Variants in MAPKAP1 observed in about 807,000 individuals in gnomAD.
MAPKAP1 encodes the protein MAPK associated protein 1, also known as target of rapamycin complex 2 subunit MAPKAP1.
A neutral mutation model predicts 65.7 loss-of-function variants in MAPKAP1; 20 were observed. That is an observed-to-expected ratio of 0.30 (90% confidence interval 0.21 to 0.44). The LOEUF (loss-of-function observed/expected upper bound fraction) is 0.44. MAPKAP1 is among the 20% of genes least tolerant of loss of function. The pLI, the probability that MAPKAP1 is intolerant of heterozygous loss-of-function variation, is 1.00. For synonymous variants in MAPKAP1, 222 were observed against 244.3 expected, an observed-to-expected ratio of 0.91 and a Z score of 0.85; for missense variants, 423 against 648.0, an observed-to-expected ratio of 0.65 and a Z score of 3.77.
chr9:125,618,587 A>C (rs1832810561), intron 4 of MAPKAP1, among the ~76,000 whole-genome samples: 1 of 152,172 alleles, frequency 6.6e-6, no homozygotes, highest in Admixed American at 6.5e-5. Flanking sequence ...GTAAAGCACT[A>C]ATTATTTTTC....
chr9:125,615,019 A>G (rs1326036779), intron 4 of MAPKAP1, among the ~76,000 whole-genome samples: 1 of 152,232 alleles, frequency 6.6e-6, no homozygotes, highest in African/African-American at 2.4e-5. Flanking sequence ...CAAAAAAGGT[A>G]TAAGTTAATG....
At chr9:125,696,077 A>G (rs553361974) in intron 1 of MAPKAP1, 1 of 152,366 alleles carries the variant, frequency 6.6e-6, no homozygotes, top group Non-Finnish European at 1.5e-5. Flanking sequence ...ACAATTCATC[A>G]TATTTTAACA....
chr9:125,686,326 G>GAAAAGA (rs1241243210), intron 1 of MAPKAP1, among the ~76,000 whole-genome samples: 5 of 141,244 alleles, frequency 3.5e-5, no homozygotes, highest in African/African-American at 1.1e-4. Flanking sequence ...AAAAAAAAAA[G>GAAAAGA]AAAAGAAAAA....
At chr9:125,558,648 ATTG>A (rs1056904879) in intron 6 of MAPKAP1, among the ~76,000 whole-genome samples, 6 of 152,184 alleles carry the variant, frequency 3.9e-5, no homozygotes, top group Non-Finnish European at 1.5e-5. Flanking sequence ...AGGGATCGCT[ATTG>A]TTCCCAGGAG....
rs1852399668 is a variant in MAPKAP1 at position 125,439,400 on chromosome 9, C to T, written c.1444-388G>A. ...CATAACCTCTCTGAGCCTGCCTTTCCCTGTGTGAAGGCCGAGAACACAGGG... is the reference window on the plus strand; with the variant it reads ...CATAACCTCTCTGAGCCTGCCTTTCTCTGTGTGAAGGCCGAGAACACAGGG... On this transcript the variant is annotated intron_variant, in intron 11 of 11. Coordinates refer to ENST00000265960, the MANE Select transcript of MAPKAP1 (RefSeq NM_001006617.3). This position sits in a 1 kb window ranked among gnomAD's most constrained non-coding sequence, Gnocchi z 4.0. Among the ~76,000 whole-genome samples, 1 of 152,240 alleles carries T rather than the reference C, an allele frequency of 6.6e-6. No individual in the cohort carries two copies. Among genetic ancestry groups the T allele is most frequent in the Non-Finnish European group, 1.5e-5 (1 of 68,052 alleles).
At chr9:125,667,878 A>G (rs1026612957) in intron 3 of MAPKAP1, among the ~76,000 whole-genome samples, 27 of 152,182 alleles carry the variant, frequency 1.8e-4, no homozygotes, top group African/African-American at 5.6e-4. Flanking sequence ...AAAAAAGTGA[A>G]TAAGATAAGT....
chr9:125,592,825 C>T (rs1175761586), intron 4 of MAPKAP1, among the ~76,000 whole-genome samples: 1 of 151,202 alleles, frequency 6.6e-6, no homozygotes, highest in Admixed American at 6.6e-5. Context: ...ATGGCGTGAA[C>T]CCTGGAGGCG....
intron 1 of MAPKAP1, among the ~76,000 whole-genome samples, chr9:125,690,583 T>TTAA (rs1337023013): frequency 6.6e-6 from 1 of 152,242 alleles, no homozygotes; most frequent in Admixed American, 6.5e-5. Flanking sequence ...ACTGAATGAA[T>TTAA]TAATACATGT....
chr9:125,475,881 C>A (rs1047874631), intron 9 of MAPKAP1, among the ~76,000 whole-genome samples: 1 of 152,168 alleles, frequency 6.6e-6, no homozygotes, highest in African/African-American at 2.4e-5. Flanking sequence ...CATGTTCAGG[C>A]CCTGTTGGAG....
At chr9:125,706,248 CT>C (rs1404664725) in intron 1 of MAPKAP1, among the ~76,000 whole-genome samples, 1 of 151,910 alleles carries the variant, frequency 6.6e-6, no homozygotes, top group Non-Finnish European at 1.5e-5. Context: ...GAGAACGCTG[CT>C]TTTTTTAAAC....
intron 3 of MAPKAP1, among the ~76,000 whole-genome samples, chr9:125,668,384 G>C (rs762420120): frequency 6.6e-6 from 1 of 152,196 alleles, no homozygotes; most frequent in Non-Finnish European, 1.5e-5. Context: ...GTACCTAGTA[G>C]AGCACGAGGT....
chr9:125,473,324 C>A (rs939359320), intron 9 of MAPKAP1, among the ~76,000 whole-genome samples: 2 of 152,204 alleles, frequency 1.3e-5, no homozygotes, highest in Middle Eastern at 3.4e-3. Context: ...GGCAGTTTGT[C>A]TCCCTTACCA....
chr9:125,477,324 A>G (rs1280056140), intron 9 of MAPKAP1, among the ~76,000 whole-genome samples: 1 of 152,214 alleles, frequency 6.6e-6, no homozygotes, highest in African/African-American at 2.4e-5. Flanking sequence ...AAGTGGTGCA[A>G]ATATCAAACC....
intron 7 of MAPKAP1, chr9:125,521,559 T>C: frequency 7.2e-7 from 1 of 1,381,106 alleles, no homozygotes; most frequent in Non-Finnish European, 9.3e-7. Context: ...ATGCCAAAAC[T>C]GGTTGATGGG....
chr9:125,453,179 T>A (rs1212205862), intron 10 of MAPKAP1, among the ~76,000 whole-genome samples: 1 of 152,216 alleles, frequency 6.6e-6, no homozygotes, highest in East Asian at 1.9e-4. Context: ...TGCCTCAGCC[T>A]TCTGAGTAGC....
At chr9:125,527,598 G>A (rs1176367227) in intron 7 of MAPKAP1, among the ~76,000 whole-genome samples, 1 of 152,180 alleles carries the variant, frequency 6.6e-6, no homozygotes, top group Non-Finnish European at 1.5e-5. Flanking sequence ...AGAGAATGAA[G>A]ACTTAGGCTG....
In MAPKAP1 at chr9:125,548,037, C is replaced by G. The variant is rs573012097; in HGVS notation, c.849-4869G>C. On this transcript the variant is annotated intron_variant, in intron 6 of 11. Transcript: ENST00000265960. ...GCAACTACTATTTATTGAACACTTT[C>G]TATGGGCTAGGTGCTGTTTTAAGCT... is the stretch of plus-strand genomic sequence containing the variant. Among the ~76,000 whole-genome samples, 103 of 152,308 alleles carry G rather than the reference C, an allele frequency of 6.8e-4. 1 individual carries two copies. In the South Asian group the frequency reaches 0.021, roughly 31 times the overall value.
intron 10 of MAPKAP1, among the ~76,000 whole-genome samples, chr9:125,451,512 C>T (rs1852948111): frequency 6.6e-6 from 1 of 152,190 alleles, no homozygotes; most frequent in African/African-American, 2.4e-5. Flanking sequence ...TACCTTTCTC[C>T]AGAGTTTCAG....
intron 5 of MAPKAP1, among the ~76,000 whole-genome samples, chr9:125,568,426 C>A (rs1461726078): frequency 6.6e-6 from 1 of 152,128 alleles, no homozygotes; most frequent in Non-Finnish European, 1.5e-5. Context: ...AACGAGCAGC[C>A]GCCTGAACTT....
Sources: gnomAD v4.1 joint callset for allele counts (sites outside exome capture counted in the v4.1 genomes callset) on GRCh38, gnomAD v4.1.1 for gene constraint, Gnocchi (gnomAD v3.1) non-coding constraint, MANE v1.5 for transcripts, NCBI Gene and HGNC (gene_info 2026-07-23, HGNC 2026-07-21) for gene names.